Variants in JAM3 observed in about 807,000 individuals in gnomAD.
JAM3 encodes the protein junctional adhesion molecule 3.
JAM3 carries 31 observed loss-of-function variants against 39.4 expected under a neutral mutation model. The observed-to-expected ratio is 0.79, with a 90% CI of 0.59 to 1.06. The LOEUF (loss-of-function observed/expected upper bound fraction) is 1.06, where lower values mean the gene tolerates loss of function less well. Among genes scored for constraint, JAM3 ranks in the 50% least tolerant of loss-of-function variants. The pLI is 0.00. For missense variants in JAM3, 455 were observed against 391.4 expected (o/e 1.16, Z -1.37); for synonymous variants, 182 against 148.7 (o/e 1.22, Z -1.63).
intron 1 of JAM3, among the ~76,000 whole-genome samples, chr11:134,138,041 G>T (rs1297552532): frequency 1.1e-5 from 1 of 94,366 alleles, no homozygotes; most frequent in East Asian, 3.8e-4. Flanking sequence ...CGTCAAAGTC[G>T]TGGTGCTCAT....
At chr11:134,079,465 G>A (rs1046218201) in intron 1 of JAM3, among the ~76,000 whole-genome samples, 10 of 152,082 alleles carry the variant, frequency 6.6e-5, no homozygotes, top group African/African-American at 2.2e-4. Flanking sequence ...TGTAATGTGT[G>A]GACAAAAACC....
At chr11:134,122,645 C>T (rs1251134854) in intron 1 of JAM3, among the ~76,000 whole-genome samples, 1 of 152,174 alleles carries the variant, frequency 6.6e-6, no homozygotes. Context: ...TTTTTAATCT[C>T]AAAAGAACCT....
At position 134,136,140 on chromosome 11, in the gene JAM3, A is replaced by AATAG. The variant is rs910101736; in HGVS notation, c.77-3710_77-3707dup. ...CTTAAGAGTATGATGGACAGGCCAA[A>AATAG]ATAGGAAATTGAATAGGAATAACAG... On this transcript the variant is annotated intron_variant, in intron 1 of 8. Transcript: ENST00000299106. 9.9e-5 allele frequency among the ~76,000 whole-genome samples: 7 copies of AATAG among 71,006 alleles called. No homozygotes were observed. In the African/African-American group the frequency reaches 1.1e-3, roughly 11 times the overall value. The allele number at this position is 71,006 out of a possible 152,430, so 46.6% of individuals were successfully genotyped here.
intron 1 of JAM3, among the ~76,000 whole-genome samples, chr11:134,069,468 T>C (rs1591763979): frequency 7.2e-6 from 1 of 138,536 alleles, no homozygotes; most frequent in Non-Finnish European, 1.6e-5. Context: ...GGGCGGGCTC[T>C]TCTCGGGCGG....
chr11:134,144,724 C>G, intron 4 of JAM3, 68 bp from the exon 5 acceptor site: 1 of 1,398,874 alleles, frequency 7.1e-7, no homozygotes, highest in Non-Finnish European at 1.0e-6. Flanking sequence ...GAGCTGATTT[C>G]TTCTGGGCTT....
chr11:134,129,866 G>A (rs974354879), intron 1 of JAM3, among the ~76,000 whole-genome samples: 6 of 152,134 alleles, frequency 3.9e-5, no homozygotes, highest in African/African-American at 1.4e-4. Context: ...GCCGGGCGTG[G>A]TGGCAGGCGC....
chr11:134,070,260 C>G, intron 1 of JAM3: 2 of 455,586 alleles, frequency 4.4e-6, no homozygotes, highest in Non-Finnish European at 8.8e-6. Context: ...CACACTCTTC[C>G]CCTGGCAGCC....
chr11:134,069,469 TCTC>T (rs1941451748), intron 1 of JAM3, among the ~76,000 whole-genome samples: 1 of 152,006 alleles, frequency 6.6e-6, no homozygotes, highest in Non-Finnish European at 1.5e-5. Flanking sequence ...GGCGGGCTCT[TCTC>T]GGGCGGGGTC....
chr11:134,107,491 T>C (rs1039766067), intron 1 of JAM3, among the ~76,000 whole-genome samples: 1 of 151,510 alleles, frequency 6.6e-6, no homozygotes, highest in Non-Finnish European at 1.5e-5. Flanking sequence ...AAAATATATA[T>C]AAATAGTCAA....
chr11:134,102,058 A>G (rs956352762), intron 1 of JAM3, among the ~76,000 whole-genome samples: 3 of 152,162 alleles, frequency 2.0e-5, no homozygotes, highest in Non-Finnish European at 4.4e-5. Flanking sequence ...TGTCTGTAAA[A>G]ATTATAGTAA....
At chr11:134,128,052 G>A (rs1942686060) in intron 1 of JAM3, among the ~76,000 whole-genome samples, 1 of 152,008 alleles carries the variant, frequency 6.6e-6, no homozygotes, top group Non-Finnish European at 1.5e-5. Flanking sequence ...TCAGTCTTTG[G>A]GGTGTTGCTT....
intron 3 of JAM3, among the ~76,000 whole-genome samples, chr11:134,142,783 G>A (rs1367680855): frequency 6.6e-6 from 1 of 151,644 alleles, no homozygotes; most frequent in Non-Finnish European, 1.5e-5. Context: ...TCCTCCTCCC[G>A]CATCCCTGGC....
At chr11:134,149,049 A>G (rs1180706440) in intron 8 of JAM3, 97 bp from the exon 9 acceptor site, 1 of 1,414,738 alleles carries the variant, frequency 7.1e-7, no homozygotes, top group African/African-American at 1.4e-5. Context: ...AAGAATGATT[A>G]TTCCATCTGT....
chr11:134,109,228 C>T (rs1160101077), intron 1 of JAM3, among the ~76,000 whole-genome samples: 4 of 152,122 alleles, frequency 2.6e-5, no homozygotes, highest in African/African-American at 7.2e-5. Context: ...TCCCAAAGTG[C>T]TGGGATTACA....
rs369211034 is a variant in JAM3, at chr11:134,102,495, C to T, written c.76+33336C>T. The stretch of plus-strand genomic sequence containing the variant: ...AAGGACCGCAGCTCCTCACCAGCAA[C>T]GGAACAAAGCTGGACACAGAATGAC... On this transcript the variant is annotated intron_variant, in intron 1 of 8. Transcript: ENST00000299106. 2.7e-4 allele frequency among the ~76,000 whole-genome samples: 41 copies of T among 152,224 alleles called. No individual in the cohort carries two copies. In the South Asian group the frequency reaches 3.5e-3, roughly 13 times the overall value.
intron 6 of JAM3, 74 bp from the exon 7 acceptor site, chr11:134,148,473 C>A: frequency 6.2e-7 from 1 of 1,605,050 alleles, no homozygotes. Context: ...AGGAAGGAGG[C>A]ACAGCAGGGC....
intron 1 of JAM3, among the ~76,000 whole-genome samples, chr11:134,091,514 A>G (rs972129790): frequency 1.4e-5 from 2 of 145,570 alleles, no homozygotes; most frequent in Non-Finnish European, 3.0e-5. Context: ...AAATAGATAG[A>G]TAGATGGATA....
At chr11:134,071,072 G>C (rs571083349) in intron 1 of JAM3, among the ~76,000 whole-genome samples, 110 of 152,144 alleles carry the variant, frequency 7.2e-4, no homozygotes, top group African/African-American at 2.5e-3. Flanking sequence ...TGACTACTGT[G>C]TCCTTTTTAT....
At chr11:134,076,668 T>C (rs1261478092) in intron 1 of JAM3, among the ~76,000 whole-genome samples, 1 of 152,148 alleles carries the variant, frequency 6.6e-6, no homozygotes, top group African/African-American at 2.4e-5. Flanking sequence ...TTCTCTTTTT[T>C]CTATTGGTGT....
Sources: allele counts gnomAD v4.1 joint callset (sites outside exome capture counted in the v4.1 genomes callset), GRCh38; gene constraint gnomAD v4.1.1; transcripts MANE v1.5; gene names NCBI Gene and HGNC (gene_info 2026-07-23, HGNC 2026-07-21).